Variants in KCNJ6 observed in about 807,000 individuals in gnomAD.
The protein encoded by KCNJ6 is potassium inwardly rectifying channel subfamily J member 6.
Under a neutral mutation model 34.2 loss-of-function variants are expected in KCNJ6, and 9 were observed. That is an observed-to-expected ratio of 0.26 (90% CI 0.16 to 0.46). The LOEUF (loss-of-function observed/expected upper bound fraction) is 0.46, where lower values mean the gene tolerates loss of function less well. KCNJ6 is among the 20% of genes least tolerant of loss of function. The probability of loss-of-function intolerance (pLI) is 1.00; values close to 1 mark genes in which losing one functional copy is unlikely to be tolerated. For missense variants in KCNJ6, 236 were observed against 531.3 expected (o/e 0.44, Z 5.46); for synonymous variants, 196 against 207.1 (o/e 0.95, Z 0.46).
intron 1 of KCNJ6, among the ~76,000 whole-genome samples, chr21:37,854,208 G>T (rs2055553044): frequency 6.6e-6 from 1 of 151,476 alleles, no homozygotes. Context: ...CAAATATAAT[G>T]GTATGGGTAG....
intron 3 of KCNJ6, among the ~76,000 whole-genome samples, chr21:37,694,123 G>A (rs528411802): frequency 6.6e-6 from 1 of 152,326 alleles, no homozygotes; most frequent in South Asian, 2.1e-4. Context: ...GAGGGAGAAA[G>A]GCCCCTCCTG....
intron 2 of KCNJ6, among the ~76,000 whole-genome samples, chr21:37,807,612 G>A (rs1045061296): frequency 4.6e-5 from 7 of 152,152 alleles, no homozygotes; most frequent in African/African-American, 7.2e-5. Flanking sequence ...AGTAGTTAGC[G>A]CAGTAACATG....
At chr21:37,788,197 A>C (rs1338645420) in intron 2 of KCNJ6, among the ~76,000 whole-genome samples, 2 of 152,164 alleles carry the variant, frequency 1.3e-5, no homozygotes, top group African/African-American at 2.4e-5. Flanking sequence ...TAGACAAATT[A>C]TATTCTTCAA....
intron 3 of KCNJ6, among the ~76,000 whole-genome samples, chr21:37,634,345 G>C (rs2123370563): frequency 6.6e-6 from 1 of 152,200 alleles, no homozygotes; most frequent in Admixed American, 6.5e-5. Flanking sequence ...TCATGCACCT[G>C]CTCCCTTTTC....
At chr21:37,904,003 T>C (rs886969997) in intron 1 of KCNJ6, among the ~76,000 whole-genome samples, 2 of 152,216 alleles carry the variant, frequency 1.3e-5, no homozygotes, top group Non-Finnish European at 2.9e-5. Flanking sequence ...TAAGAAAACC[T>C]TATTAATGCA....
intron 2 of KCNJ6, among the ~76,000 whole-genome samples, chr21:37,761,346 G>T (rs1276755293): frequency 6.6e-6 from 1 of 150,852 alleles, no homozygotes; most frequent in African/African-American, 2.4e-5. Flanking sequence ...GTGTATATTT[G>T]TGTGTTGTAT....
At chr21:37,762,604 T>C (rs547167691) in intron 2 of KCNJ6, among the ~76,000 whole-genome samples, 35 of 152,308 alleles carry the variant, frequency 2.3e-4, no homozygotes, top group African/African-American at 8.4e-4. Context: ...AACTCTTGTA[T>C]GTTACCAACG....
intron 3 of KCNJ6, among the ~76,000 whole-genome samples, chr21:37,712,544 TCCTCCCTCC>T: frequency 1.3e-5 from 1 of 76,166 alleles, no homozygotes; most frequent in East Asian, 3.8e-4. Flanking sequence ...CCCTCCCTCC[TCCTCCCTCC>T]CTCCTCCCCT....
chr21:37,894,233 A>G (rs1326417684), intron 1 of KCNJ6, among the ~76,000 whole-genome samples: 6 of 152,220 alleles, frequency 3.9e-5, no homozygotes, highest in African/African-American at 1.4e-4. Context: ...CAACATCACA[A>G]TCACCAGGGA....
intron 2 of KCNJ6, among the ~76,000 whole-genome samples, chr21:37,762,836 C>A (rs181230648): frequency 1.0e-3 from 154 of 152,324 alleles, no homozygotes; most frequent in Admixed American, 1.8e-3. Context: ...GAAATCCCAG[C>A]CTCTGGAAGT....
intron 2 of KCNJ6, among the ~76,000 whole-genome samples, chr21:37,773,180 A>G (rs1336588700): frequency 6.6e-6 from 1 of 152,126 alleles, no homozygotes; most frequent in Non-Finnish European, 1.5e-5. Flanking sequence ...CATGTTGCCT[A>G]CCTAGATAGG....
rs34782067 is a variant in KCNJ6, at chr21:37,610,620, A to AAAAAAG, written c.*14538_*14539insCTTTTT. ...TCTTAAAAAAAAAAAAAAAAAAAAA[A>AAAAAAG]GGAATACAAGTCCTACAATGTTTGC... On this transcript the variant is annotated 3_prime_UTR_variant, in exon 4 of 4. Coordinates refer to ENST00000609713, the MANE Select transcript of KCNJ6 (RefSeq NM_002240.5). 2.0e-5 allele frequency: 3 copies of AAAAAAG among 149,634 alleles called. No individual in the cohort carries two copies. The highest frequency in any genetic ancestry group is 7.3e-5 in the African/African-American group (3 of 40,886). 9.3% of individuals were successfully genotyped at this position (149,634 alleles called of 1,614,324 possible).
chr21:37,677,808 C>T (rs1296115873), intron 3 of KCNJ6, among the ~76,000 whole-genome samples: 1 of 150,532 alleles, frequency 6.6e-6, no homozygotes, highest in East Asian at 2.0e-4. Flanking sequence ...ATCCACCCAC[C>T]CATCCAGTCA....
chr21:37,707,021 G>A (rs538221037), intron 3 of KCNJ6, among the ~76,000 whole-genome samples: 4 of 152,240 alleles, frequency 2.6e-5, no homozygotes, highest in Non-Finnish European at 4.4e-5. Context: ...ATGATGAGAC[G>A]TTACTATCTA....
rs573591191 is a variant in KCNJ6, at chr21:37,900,219, G to T, written c.-28+15665C>A. On this transcript the variant is annotated intron_variant, in intron 1 of 3. Coordinates refer to ENST00000609713, the MANE Select transcript of KCNJ6 (RefSeq NM_002240.5). ...AAAAGGCATTCTGATATAGTGTGTA[G>T]AAAGACACAGTGTGTGGGAGATGCT... Among the ~76,000 whole-genome samples the T allele has an allele frequency of 4.6e-5, 7 of 152,262 alleles. No individual in the cohort carries two copies. In the East Asian group the frequency reaches 9.6e-4, roughly 21 times the overall value.
intron 1 of KCNJ6, among the ~76,000 whole-genome samples, chr21:37,890,656 T>C (rs1014393171): frequency 1.3e-5 from 2 of 152,144 alleles, no homozygotes; most frequent in African/African-American, 4.8e-5. Flanking sequence ...ATTTCTGATT[T>C]CTGAGAGTTG....
At chr21:37,907,382 G>A (rs577793941) in intron 1 of KCNJ6, among the ~76,000 whole-genome samples, 7 of 152,200 alleles carry the variant, frequency 4.6e-5, no homozygotes, top group African/African-American at 1.4e-4. Context: ...CAGTCATAAA[G>A]CAATGGCCCC....
intron 3 of KCNJ6, among the ~76,000 whole-genome samples, chr21:37,679,126 C>T (rs1233848625): frequency 6.6e-6 from 1 of 152,216 alleles, no homozygotes; most frequent in African/African-American, 2.4e-5. Context: ...CTGAGGCCTC[C>T]TGTCAACAGC....
At chr21:37,685,637 A>C (rs9636927) in intron 3 of KCNJ6, among the ~76,000 whole-genome samples, 34,398 of 36,332 alleles carry the variant, frequency 0.95, 16,705 homozygotes, top group East Asian at 1. Context: ...GCCGAGATTG[A>C]GCCACTGCAC....
Sources: allele counts gnomAD v4.1 joint callset (sites outside exome capture counted in the v4.1 genomes callset), GRCh38; gene constraint gnomAD v4.1.1; transcripts MANE v1.5; gene names NCBI Gene and HGNC (gene_info 2026-07-23, HGNC 2026-07-21).